Variants in TMEM116 observed in about 807,000 individuals in gnomAD.
TMEM116 encodes transmembrane protein 116.
In TMEM116, 38 loss-of-function variants were observed where a neutral mutation model predicts 44.3. The observed-to-expected ratio is 0.86, with a 90% confidence interval of 0.66 to 1.12. The LOEUF is 1.12. Among genes scored for constraint, TMEM116 ranks in the 50% most tolerant of loss-of-function variants. The pLI is 0.00. For synonymous variants in TMEM116, 132 were observed against 144.8 expected, an observed-to-expected ratio of 0.91 and a Z score of 0.64; for missense variants, 354 against 401.7, an observed-to-expected ratio of 0.88 and a Z score of 1.01.
At chr12:111,968,992 C>CAAAA (rs1176204219) in intron 4 of TMEM116, among the ~76,000 whole-genome samples, 5 of 45,100 alleles carry the variant, frequency 1.1e-4, no homozygotes, top group African/African-American at 1.7e-4. Flanking sequence ...GACTCTATCT[C>CAAAA]AAAAAAAAAA....
At chr12:111,996,448 T>C (rs1037059110) in intron 3 of TMEM116, among the ~76,000 whole-genome samples, 7 of 152,092 alleles carry the variant, frequency 4.6e-5, no homozygotes, top group African/African-American at 1.7e-4. Context: ...CCTACTTTAT[T>C]AGTAATAAAG....
chr12:111,970,618 GCT>G (rs2136453701), intron 4 of TMEM116, among the ~76,000 whole-genome samples: 1 of 140,430 alleles, frequency 7.1e-6, no homozygotes, highest in East Asian at 2.1e-4. Flanking sequence ...ACGGAGTCTC[GCT>G]CTGTCACCCA....
At chr12:112,001,369 A>C (rs1205917420) in intron 3 of TMEM116, among the ~76,000 whole-genome samples, 1 of 152,142 alleles carries the variant, frequency 6.6e-6, no homozygotes, top group Non-Finnish European at 1.5e-5. Context: ...GCTGGAGTGC[A>C]GTGATATGAT....
At chr12:111,982,892 T>G (rs960434740) in intron 4 of TMEM116, among the ~76,000 whole-genome samples, 2 of 152,192 alleles carry the variant, frequency 1.3e-5, no homozygotes, top group Admixed American at 1.3e-4. Context: ...TGTTTTTGTA[T>G]GAGGAATCTA....
chr12:112,005,535 A>T, intron 1 of TMEM116: 1 of 474,242 alleles, frequency 2.1e-6, no homozygotes, highest in Non-Finnish European at 3.1e-6. Flanking sequence ...TTTTTTAAAA[A>T]ATAGAGATGT....
intron 3 of TMEM116, 136 bp downstream of exon 3, chr12:112,003,664 T>C: frequency 7.9e-7 from 1 of 1,271,688 alleles, no homozygotes; most frequent in Non-Finnish European, 1.0e-6. Context: ...ATGCCAAAAA[T>C]ATCTCATTGT....
chr12:111,984,670 A>T (rs909322757), intron 4 of TMEM116, among the ~76,000 whole-genome samples: 1 of 152,046 alleles, frequency 6.6e-6, no homozygotes, highest in Non-Finnish European at 1.5e-5. Flanking sequence ...GTACATTTTA[A>T]AAGAATTAAA....
chr12:112,012,248 G>C (rs774504520), intron 1 of TMEM116: 1 of 152,138 alleles, frequency 6.6e-6, no homozygotes, highest in Non-Finnish European at 1.5e-5. Flanking sequence ...CCTGAGCAGG[G>C]ATGGCTGAAT....
intron 3 of TMEM116, among the ~76,000 whole-genome samples, chr12:111,995,025 G>A (rs951745248): frequency 4.6e-5 from 7 of 152,050 alleles, no homozygotes; most frequent in African/African-American, 9.7e-5. Context: ...CTGACTGCAC[G>A]TCCGTTTATA....
chr12:111,987,761 T>C (rs1256459079), intron 4 of TMEM116, among the ~76,000 whole-genome samples: 1 of 152,200 alleles, frequency 6.6e-6, no homozygotes, highest in Non-Finnish European at 1.5e-5. Context: ...ATGGAAAACA[T>C]GGTGTTTCCT....
chr12:111,959,378 C>T (rs2074406461), intron 4 of TMEM116, among the ~76,000 whole-genome samples: 1 of 152,182 alleles, frequency 6.6e-6, no homozygotes, highest in Non-Finnish European at 1.5e-5. Flanking sequence ...CAACTGGTAC[C>T]AGCCACTGCA....
At position 112,008,656 on chromosome 12, in the gene TMEM116, A is replaced by G. The variant is rs553272129; in HGVS notation, c.-33-3353T>C. ...TGTAAAATATTTTTATTTAACCAAA[A>G]AGTTTTCTAAAAATAACATTTAAAG... is the stretch of plus-strand genomic sequence containing the variant. On this transcript the variant is annotated intron_variant, in intron 1 of 10. Transcript: ENST00000552374. Among the ~76,000 whole-genome samples, 3 of 152,260 alleles carry G rather than the reference A, an allele frequency of 2.0e-5. No individual in the cohort carries two copies. The South Asian group carries it at 6.2e-4, about 32-fold the overall frequency.
At chr12:112,004,529 C>T (rs1362663261) in intron 2 of TMEM116, among the ~76,000 whole-genome samples, 2 of 151,970 alleles carry the variant, frequency 1.3e-5, no homozygotes, top group East Asian at 3.9e-4. Context: ...TCAGGCCATC[C>T]TCCTGCCTTG....
rs549779485 is a variant in TMEM116 at position 111,989,678 on chromosome 12, C to T, written c.210+2080G>A. ...ACATACAAAGAACAGGAAAATGTGA[C>T]CCACTCTCATGGGAAAAGATAATCA... is the stretch of plus-strand genomic sequence containing the variant. On this transcript the variant is annotated intron_variant, in intron 4 of 10. Coordinates refer to ENST00000552374, the MANE Select transcript of TMEM116 (RefSeq NM_001193531.2). Among the ~76,000 whole-genome samples, 23 of 152,264 alleles carry T rather than the reference C, an allele frequency of 1.5e-4. No homozygotes were observed. The South Asian group carries it at 4.6e-3, about 30-fold the overall frequency.
chr12:111,984,891 T>C (rs1169645177), intron 4 of TMEM116, among the ~76,000 whole-genome samples: 2 of 152,120 alleles, frequency 1.3e-5, no homozygotes, highest in Non-Finnish European at 2.9e-5. Context: ...CAAAGGTATA[T>C]AACAATTCCC....
intron 8 of TMEM116, chr12:111,934,239 G>GT (rs2071934083): frequency 1.9e-6 from 1 of 527,282 alleles, no homozygotes; most frequent in African/African-American, 1.9e-5. Context: ...AAATGGACAG[G>GT]TAACTAGCCA....
intron 4 of TMEM116, among the ~76,000 whole-genome samples, chr12:111,960,743 A>G (rs1431361466): frequency 1.3e-5 from 2 of 152,056 alleles, no homozygotes; most frequent in African/African-American, 4.8e-5. Flanking sequence ...TTAAATCAAC[A>G]CCCTAATATC....
At chr12:111,947,135 T>G (rs182562909) in intron 4 of TMEM116, among the ~76,000 whole-genome samples, 1 of 152,196 alleles carries the variant, frequency 6.6e-6, no homozygotes, top group Admixed American at 6.5e-5. Flanking sequence ...GTTAAAAAAT[T>G]TATATCCACA....
intron 4 of TMEM116, among the ~76,000 whole-genome samples, chr12:111,971,138 T>C (rs2075307903): frequency 6.6e-6 from 1 of 152,170 alleles, no homozygotes; most frequent in Non-Finnish European, 1.5e-5. Flanking sequence ...AGACTCACCC[T>C]ACAAGAAATG....
Sources: allele counts gnomAD v4.1 joint callset (sites outside exome capture counted in the v4.1 genomes callset), GRCh38; gene constraint gnomAD v4.1.1; transcripts MANE v1.5; gene names NCBI Gene and HGNC (gene_info 2026-07-23, HGNC 2026-07-21).